TMEM221: variants seen among roughly 807,000 people sequenced by gnomAD.
TMEM221 encodes transmembrane protein 221.
TMEM221 carries 11 observed loss-of-function variants against 10.2 expected under a neutral mutation model. The ratio of observed to expected loss-of-function variants is 1.08; its 90% CI spans 0.68 to 1.79. TMEM221 has a LOEUF of 1.79. Among genes scored for constraint, TMEM221 ranks in the 40% most tolerant of loss-of-function variants. TMEM221 has a pLI of 0.00. For missense variants in TMEM221, 382 were observed against 417.7 expected (o/e 0.91, Z 0.75); for synonymous variants, 172 against 199.8 (o/e 0.86, Z 1.18).
intron 1 of TMEM221, 80 bp from the exon 2 acceptor site, chr19:17,445,364 G>GA: frequency 1.6e-6 from 2 of 1,227,840 alleles, no homozygotes; most frequent in Non-Finnish European, 2.3e-6. Flanking sequence ...CAGGGAGGGA[G>GA]AGCCGCTTAA....
chr19:17,440,927 A>C (rs575271245), intron 2 of TMEM221, among the ~76,000 whole-genome samples: 1 of 152,058 alleles, frequency 6.6e-6, no homozygotes, highest in South Asian at 2.1e-4. Context: ...ACCTTGAGGG[A>C]CCGGGCGTGG....
In TMEM221 at chr19:17,448,290, C is replaced by A. The variant is rs2074960857; in HGVS notation, c.173G>T (p.Gly58Val). The A allele has an allele frequency of 8.2e-7, 1 of 1,216,306 alleles. No individual in the cohort carries two copies. Among genetic ancestry groups the A allele is most frequent in the African/African-American group, 1.6e-5 (1 of 63,036 alleles). The allele number at this position is 1,216,306 out of a possible 1,614,324, so 75.3% of individuals were successfully genotyped here. A position where few individuals can be genotyped will look rare whatever the true frequency, so the allele number is the denominator to read the frequency against. ...CGTCCCGGCCGCGTCCTCTGGCAGC[C>A]CGGGGCCGGCGCCCAGCTCCTGGCC... is the stretch of plus-strand genomic sequence containing the variant. The part of the protein sequence containing the change: ...GLGQELGAGP[G>V]LPEDAAGTLL... The change falls in exon 1 of 3, where the codon GGG (glycine) becomes GTG (valine). Residue 58 changes from glycine (G) to valine (V), a missense_variant. Transcript: ENST00000341130. The surrounding 1 kb of genome is among the most constrained non-coding windows in gnomAD (Gnocchi z 4.7).
intron 1 of TMEM221, among the ~76,000 whole-genome samples, chr19:17,447,586 C>T (rs981620601): frequency 4.6e-5 from 7 of 152,216 alleles, no homozygotes; most frequent in African/African-American, 1.4e-4. Context: ...TCTCCCCCGA[C>T]ATTCTGGAGA....
intron 2 of TMEM221, among the ~76,000 whole-genome samples, chr19:17,437,844 G>A (rs900014799): frequency 2.0e-5 from 3 of 152,048 alleles, no homozygotes; most frequent in Admixed American, 2.0e-4. Flanking sequence ...AGATGAGGGT[G>A]GGGGCCACAG....
chr19:17,440,907 A>G (rs1172564743), intron 2 of TMEM221, among the ~76,000 whole-genome samples: 1 of 152,082 alleles, frequency 6.6e-6, no homozygotes, highest in East Asian at 1.9e-4. Context: ...GCCAATGTGA[A>G]TAAGAAGGGA....
rs770173702 is a variant in TMEM221, at chr19:17,436,465, A to T, written c.869T>A (p.Leu290Gln). 5 of 1,517,114 alleles carry T rather than the reference A, an allele frequency of 3.3e-6. No homozygotes were observed. The African/African-American group carries it at 4.1e-5, about 13-fold the overall frequency. 94.0% of individuals were successfully genotyped at this position (1,517,114 alleles called of 1,614,324 possible). ...TATTCCTCATCCCTGGGCTCACACCAGTGTGGAGTCCTTCCCCATGCTCCC... is the reference window on the plus strand; with the variant it reads ...TATTCCTCATCCCTGGGCTCACACCTGTGTGGAGTCCTTCCCCATGCTCCC... ...RPGSMGKDSTLV is the reference protein window; with the variant it reads ...RPGSMGKDSTQV The change falls in exon 3 of 3, where the codon CTG (leucine) becomes CAG (glutamine). Residue 290 changes from leucine to glutamine, a missense_variant. By Grantham distance (113) the Leu-to-Gln change is moderately radical. Coordinates refer to ENST00000341130, the MANE Select transcript of TMEM221 (RefSeq NM_001190844.2).
intron 2 of TMEM221, among the ~76,000 whole-genome samples, chr19:17,440,222 ATTTTTTTTT>A (rs71162130): frequency 1.0e-5 from 1 of 96,424 alleles, no homozygotes; most frequent in Admixed American, 1.2e-4. Flanking sequence ...TTAAAATGGT[ATTTTTTTTT>A]TTTTTTTTTT....
chr19:17,445,775 C>T (rs2074950884), intron 1 of TMEM221, among the ~76,000 whole-genome samples: 3 of 151,646 alleles, frequency 2.0e-5, no homozygotes, highest in African/African-American at 7.3e-5. Context: ...TCCACTTATC[C>T]ATCCATCCAT....
chr19:17,440,071 C>T (rs1468727352), intron 2 of TMEM221, among the ~76,000 whole-genome samples: 1 of 152,088 alleles, frequency 6.6e-6, no homozygotes, highest in Non-Finnish European at 1.5e-5. Flanking sequence ...CCTACGGTCC[C>T]AGCTAGCTGC....
At position 17,448,270 on chromosome 19, in the gene TMEM221, C is replaced by T. The variant is rs894675686; in HGVS notation, c.193G>A (p.Gly65Arg). 15 of 1,236,224 alleles carry T rather than the reference C, an allele frequency of 1.2e-5. No individual in the cohort carries two copies. Among genetic ancestry groups the T allele is most frequent in the Non-Finnish European group, 1.5e-5 (15 of 990,062 alleles). The allele number at this position is 1,236,224 out of a possible 1,614,324, so 76.6% of individuals were successfully genotyped here. A position where few individuals can be genotyped will look rare whatever the true frequency, so the allele number is the denominator to read the frequency against. Residue 65 changes from glycine to arginine, a missense_variant, in exon 1 of 3, where the codon GGG becomes AGG. Transcript: ENST00000341130. The surrounding 1 kb of genome is among the most constrained non-coding windows in gnomAD (Gnocchi z 4.7). ...GCGGCGGCCAGCGGCAGCAGCGTCC[C>T]GGCCGCGTCCTCTGGCAGCCCGGGG... is the stretch of plus-strand genomic sequence containing the variant. ...AGPGLPEDAA[G>R]TLLPLAAALA... is the part of the protein sequence containing the mutation.
chr19:17,440,222 A>ATTTTT, intron 2 of TMEM221, among the ~76,000 whole-genome samples: 1 of 96,420 alleles, frequency 1.0e-5, no homozygotes, highest in African/African-American at 3.9e-5. Context: ...TTAAAATGGT[A>ATTTTT]TTTTTTTTTT....
intron 2 of TMEM221, chr19:17,444,978 C>T (rs1430393682): frequency 2.6e-6 from 1 of 389,894 alleles, no homozygotes; most frequent in African/African-American, 2.0e-5. Flanking sequence ...ATCTCAGAAT[C>T]TCCTCAAGTG....
rs1023967401 is a variant in TMEM221 at position 17,435,929 on chromosome 19, A to G, written c.*529T>C. 1 of 152,532 alleles carries G rather than the reference A, an allele frequency of 6.6e-6. No homozygotes were observed. The highest frequency in any genetic ancestry group is 1.9e-4 in the East Asian group (1 of 5,202). 9.4% of individuals were successfully genotyped at this position (152,532 alleles called of 1,614,324 possible). On this transcript the variant is annotated 3_prime_UTR_variant, in exon 3 of 3. Coordinates refer to ENST00000341130, the MANE Select transcript of TMEM221 (RefSeq NM_001190844.2). ...ATTTTGCAGAGTCTGAGACTTGCAC[A>G]TCAGCAGCATGGAGATTATGGGGTT... is the stretch of plus-strand genomic sequence containing the variant.
Position 17,448,071 on chromosome 19 carries a change from AG to A in TMEM221, c.320+71del, listed in dbSNP as rs2074959334. On this transcript the variant is annotated intron_variant, in intron 1 of 2. Transcript: ENST00000341130. This position sits in a 1 kb window ranked among gnomAD's most constrained non-coding sequence, Gnocchi z 4.7. Reference sequence around the variant, plus strand: ...TGTCCCCCCAGCCTGAGGCCAAAAGAGGGGAAGAGGCTCAACCAGGCTCACC... The same window carrying A: ...TGTCCCCCCAGCCTGAGGCCAAAAGAGGGAAGAGGCTCAACCAGGCTCACC... 20 of 1,212,080 alleles carry A rather than the reference AG, an allele frequency of 1.7e-5. No individual in the cohort carries two copies. In the South Asian group the frequency reaches 5.4e-4, roughly 33 times the overall value. The allele number at this position is 1,212,080 out of a possible 1,614,324, so 75.1% of individuals were successfully genotyped here.
chr19:17,443,280 CA>C (rs200601513), intron 2 of TMEM221, among the ~76,000 whole-genome samples: 6 of 150,670 alleles, frequency 4.0e-5, no homozygotes, highest in African/African-American at 1.5e-4. Context: ...GACTCCGCAT[CA>C]AAAAAAATTT....
At chr19:17,447,584 G>A (rs531077150) in intron 1 of TMEM221, among the ~76,000 whole-genome samples, 12 of 152,266 alleles carry the variant, frequency 7.9e-5, no homozygotes, top group African/African-American at 2.9e-4. Context: ...CCTCTCCCCC[G>A]ACATTCTGGA....
At chr19:17,446,835 G>T (rs961259612) in intron 1 of TMEM221, among the ~76,000 whole-genome samples, 2 of 152,066 alleles carry the variant, frequency 1.3e-5, no homozygotes, top group African/African-American at 4.8e-5. Context: ...GGGCTCAAGG[G>T]ATCCTCTTGC....
chr19:17,439,219 A>AAG, intron 2 of TMEM221, among the ~76,000 whole-genome samples: 1 of 151,348 alleles, frequency 6.6e-6, no homozygotes, highest in Middle Eastern at 3.4e-3. Context: ...AAAAAAAAAA[A>AAG]AAGCCTCCCT....
intron 2 of TMEM221, among the ~76,000 whole-genome samples, chr19:17,437,132 T>G (rs1186660296): frequency 1.3e-5 from 2 of 152,258 alleles, no homozygotes; most frequent in East Asian, 3.9e-4. Flanking sequence ...CCAGAGAGGT[T>G]AGGGGACTCC....
Sources: allele counts gnomAD v4.1 joint callset (sites outside exome capture counted in the v4.1 genomes callset), GRCh38; gene constraint gnomAD v4.1.1; non-coding constraint Gnocchi (gnomAD v3.1); transcripts MANE v1.5; gene names NCBI Gene and HGNC (gene_info 2026-07-23, HGNC 2026-07-21).